PPM1F: variants seen among roughly 807,000 people sequenced by gnomAD.
PPM1F encodes the protein protein phosphatase 1F.
In PPM1F, 17 loss-of-function variants were observed where a neutral mutation model predicts 35.5. The ratio of observed to expected loss-of-function variants is 0.48; its 90% CI spans 0.33 to 0.72. The LOEUF (loss-of-function observed/expected upper bound fraction) is 0.72. Among genes scored for constraint, PPM1F ranks in the 30% least tolerant of loss-of-function variants. The pLI is 0.02. For missense variants in PPM1F, 521 were observed against 613.0 expected, an observed-to-expected ratio of 0.85 and a Z score of 1.59; for synonymous variants, 241 against 255.5, an observed-to-expected ratio of 0.94 and a Z score of 0.54.
At chr22:21,925,701 G>C (rs1037816398) in intron 6 of PPM1F, 39 bp from the exon 7 acceptor site, 8 of 1,512,546 alleles carry the variant, frequency 5.3e-6, no homozygotes, top group Non-Finnish European at 6.3e-6. Flanking sequence ...AGGGCCGGGG[G>C]GATGGGGCGT....
At chr22:21,938,341 G>C in intron 3 of PPM1F, 1 of 1,193,004 alleles carries the variant, frequency 8.4e-7, no homozygotes, top group Non-Finnish European at 1.1e-6. Flanking sequence ...CTGCTGGCTC[G>C]GCCGAGAACA....
Position 21,925,654 on chromosome 22 carries a change from C to T in PPM1F, c.900G>A (p.Lys300=), listed in dbSNP as rs2070505667. The part of the protein sequence containing the change: ...EPHRPERQDE[K]ARIEALGGFV... ...AGCCACCCAATGCTTCAATGCGCGC[C>T]TTCTCATCCTGCAGAAACACAGCCA... The change falls in exon 7 of 8, where the codon AAG becomes AAA. Residue 300 remains lysine, a synonymous_variant. Coordinates refer to ENST00000263212, the MANE Select transcript of PPM1F (RefSeq NM_014634.4). The T allele has an allele frequency of 6.3e-7, 1 of 1,584,408 alleles. No individual in the cohort carries two copies. The highest frequency in any genetic ancestry group is 8.6e-7 in the Non-Finnish European group (1 of 1,160,140).
intron 6 of PPM1F, among the ~76,000 whole-genome samples, chr22:21,929,649 A>T (rs987400357): frequency 5.3e-5 from 8 of 152,228 alleles, no homozygotes; most frequent in African/African-American, 1.9e-4. Context: ...AGGAGAGCCC[A>T]CTAGGGAGCA....
intron 6 of PPM1F, chr22:21,925,952 G>A (rs1601777633): frequency 2.7e-6 from 1 of 364,822 alleles, no homozygotes; most frequent in Non-Finnish European, 4.9e-6. Flanking sequence ...GGTCAGGGAG[G>A]CACTCACGAG....
At position 21,940,103 on chromosome 22, in the gene PPM1F, T is replaced by C. The variant is rs140036116; in HGVS notation, c.207-423A>G. 7.8e-3 allele frequency among the ~76,000 whole-genome samples: 1,180 copies of C among 152,222 alleles called. 24 individuals carry two copies. Among genetic ancestry groups the C allele is most frequent in the Non-Finnish European group, 8.3e-3 (566 of 67,994 alleles). ...TGGAGCTCATTTGGAAACAGGGTCA[T>C]TACAGATGGAATTAGTTAAGATGAC... On this transcript the variant is annotated intron_variant, in intron 2 of 7. Transcript: ENST00000263212.
chr22:21,920,118 T>A lies in PPM1F; in HGVS notation c.*2974A>T, dbSNP rs1448985367. ...GGTGCTGGCATGTGGAGCTCCATTC[T>A]TCTCCAGCCCACTTAATTTTAAGAA... On this transcript the variant is annotated 3_prime_UTR_variant, in exon 8 of 8. Coordinates refer to ENST00000263212, the MANE Select transcript of PPM1F (RefSeq NM_014634.4). 1 of 152,266 alleles carries A rather than the reference T, an allele frequency of 6.6e-6. No homozygotes were observed. Among genetic ancestry groups the A allele is most frequent in the Non-Finnish European group, 1.5e-5 (1 of 68,064 alleles). 9.4% of individuals were successfully genotyped at this position (152,266 alleles called of 1,614,324 possible). A position where few individuals can be genotyped will look rare whatever the true frequency, so the allele number is the denominator to read the frequency against.
chr22:21,931,582 G>T (rs980712544), intron 5 of PPM1F, among the ~76,000 whole-genome samples: 4 of 151,098 alleles, frequency 2.6e-5, no homozygotes, highest in African/African-American at 9.8e-5. Context: ...GCACAATCTC[G>T]GCTCAGTGCA....
intron 2 of PPM1F, among the ~76,000 whole-genome samples, chr22:21,940,271 G>A (rs1183068780): frequency 1.3e-5 from 2 of 152,154 alleles, no homozygotes; most frequent in Admixed American, 1.3e-4. Context: ...TCAGGAGTTT[G>A]AGACCAGCCT....
chr22:21,947,800 A>G (rs1050252587), intron 1 of PPM1F: 1 of 152,208 alleles, frequency 6.6e-6, no homozygotes, highest in African/African-American at 2.4e-5. Flanking sequence ...ACAGCCCACA[A>G]GAGGGCTGTC....
intron 3 of PPM1F, 109 bp from the exon 4 acceptor site, chr22:21,934,335 C>A: frequency 1.2e-6 from 1 of 854,514 alleles, no homozygotes; most frequent in East Asian, 2.7e-5. Context: ...CCATCACCTC[C>A]CGGGGCATTG....
chr22:21,949,734 T>C (rs1019227999), intron 1 of PPM1F: 1 of 152,354 alleles, frequency 6.6e-6, no homozygotes, highest in African/African-American at 2.4e-5. Context: ...GGAGGGACAT[T>C]GGACTCCTGC....
In PPM1F at chr22:21,939,521, A is replaced by G; in HGVS notation, c.355+11T>C. On this transcript the variant is annotated intron_variant, in intron 3 of 7. Coordinates refer to ENST00000263212, the MANE Select transcript of PPM1F (RefSeq NM_014634.4). The surrounding 1 kb of genome is among the most constrained non-coding windows in gnomAD (Gnocchi z 5.1). ...CAGCCCTGGGGCCACCTCAGAAGAA[A>G]CAGAACTCACAGGTCACAGGGGCCT... The G allele has an allele frequency of 1.2e-6, 2 of 1,603,284 alleles. No individual in the cohort carries two copies. The highest frequency in any genetic ancestry group is 1.7e-6 in the Non-Finnish European group (2 of 1,174,252).
chr22:21,933,694 G>A (rs2070622558), intron 4 of PPM1F, 115 bp from the exon 5 acceptor site: 5 of 969,372 alleles, frequency 5.2e-6, no homozygotes, highest in Non-Finnish European at 7.7e-6. Flanking sequence ...GCCTTCGCCC[G>A]GCTTATGTGC....
chr22:21,933,185 G>C (rs2070613200), intron 5 of PPM1F, among the ~76,000 whole-genome samples: 1 of 152,234 alleles, frequency 6.6e-6, no homozygotes, highest in African/African-American at 2.4e-5. Flanking sequence ...GTGGCTGAGA[G>C]GCCCACCATG....
At position 21,920,480 on chromosome 22, in the gene PPM1F, G is replaced by A. The variant is rs1048178751; in HGVS notation, c.*2612C>T. On this transcript the variant is annotated 3_prime_UTR_variant, in exon 8 of 8. Coordinates refer to ENST00000263212, the MANE Select transcript of PPM1F (RefSeq NM_014634.4). ...GGCTGAAGACACCTGGTGCTTCTTG[G>A]TGCAGTCCTGGTCAAGATGGAAGAG... 5 of 152,528 alleles carry A rather than the reference G, an allele frequency of 3.3e-5. No homozygotes were observed. The highest frequency in any genetic ancestry group is 6.5e-5 in the Admixed American group (1 of 15,288). 9.4% of individuals were successfully genotyped at this position (152,528 alleles called of 1,614,324 possible).
chr22:21,935,120 A>G (rs1341322285), intron 3 of PPM1F: 1 of 152,228 alleles, frequency 6.6e-6, no homozygotes, highest in East Asian at 1.9e-4. Flanking sequence ...ATGTCCTTCA[A>G]CGTGGAAATG....
Position 21,919,520 on chromosome 22 carries a change from C to T in PPM1F, c.*3572G>A, listed in dbSNP as rs1298652741. The T allele has an allele frequency of 6.6e-6, 1 of 152,656 alleles. No individual in the cohort carries two copies. The highest frequency in any genetic ancestry group is 1.5e-5 in the Non-Finnish European group (1 of 68,042). 9.5% of individuals were successfully genotyped at this position (152,656 alleles called of 1,614,324 possible). A position where few individuals can be genotyped will look rare whatever the true frequency, so the allele number is the denominator to read the frequency against. The stretch of plus-strand genomic sequence containing the variant: ...GACTTGTCCCTAAGAATAGGGAAGA[C>T]AGTCATCCTGTCCTGGAGCAAAGCT... On this transcript the variant is annotated 3_prime_UTR_variant, in exon 8 of 8. Transcript: ENST00000263212.
chr22:21,944,310 A>T (rs1416111950), intron 2 of PPM1F: 1 of 152,226 alleles, frequency 6.6e-6, no homozygotes, highest in African/African-American at 2.4e-5. Context: ...CATGTGGCTG[A>T]CACTTAGCAA....
intron 5 of PPM1F, among the ~76,000 whole-genome samples, chr22:21,933,139 C>T (rs574022054): frequency 4.7e-4 from 71 of 152,322 alleles, no homozygotes; most frequent in African/African-American, 1.4e-3. Flanking sequence ...CTGCCTTCCC[C>T]GAGGCCAGCA....
Sources: allele counts gnomAD v4.1 joint callset (sites outside exome capture counted in the v4.1 genomes callset), GRCh38; gene constraint gnomAD v4.1.1; non-coding constraint Gnocchi (gnomAD v3.1); transcripts MANE v1.5; gene names NCBI Gene and HGNC (gene_info 2026-07-23, HGNC 2026-07-21).